The following NRBP1 variants were observed in gnomAD, a reference collection of about 807,000 sequenced individuals.
NRBP1 encodes the protein nuclear receptor-binding protein.
A neutral mutation model predicts 76.0 loss-of-function variants in NRBP1; 10 were observed. That is an observed-to-expected ratio of 0.13 (90% CI 0.08 to 0.22). The LOEUF (loss-of-function observed/expected upper bound fraction) is 0.22, where lower values mean the gene tolerates loss of function less well. Among genes scored for constraint, NRBP1 ranks in the 10% least tolerant of loss-of-function variants. The pLI, the probability that NRBP1 is intolerant of heterozygous loss-of-function variation, is 1.00. For synonymous variants in NRBP1, 235 were observed against 240.2 expected (o/e 0.98, Z 0.20); for missense variants, 344 against 646.0 (o/e 0.53, Z 5.07).
At chr2:27,430,529 C>A (rs1418028053) in intron 1 of NRBP1, among the ~76,000 whole-genome samples, 1 of 145,678 alleles carries the variant, frequency 6.9e-6, no homozygotes, top group African/African-American at 2.6e-5. Context: ...AGTGCAGTGG[C>A]GCCATCTGGG....
At position 27,441,445 on chromosome 2, in the gene NRBP1, C is replaced by CG; in HGVS notation, c.1447+115_1447+116insG. 3 of 1,422,594 alleles carry CG rather than the reference C, an allele frequency of 2.1e-6. No individual in the cohort carries two copies. The African/African-American group carries it at 4.2e-5, about 20-fold the overall frequency. 88.1% of individuals were successfully genotyped at this position (1,422,594 alleles called of 1,614,324 possible). The stretch of plus-strand genomic sequence containing the variant: ...TAACACATTGACTCACATAGAATGA[C>CG]TATCTTAGACCCTAAAGCAGTGGGT... On this transcript the variant is annotated intron_variant, in intron 16 of 17. Transcript: ENST00000379852.
Position 27,440,884 on chromosome 2 carries a change from G to A in NRBP1, c.1273G>A (p.Val425Met), listed in dbSNP as rs767995482. ...GCAGGAGGAGGTGACATCACCTGTC[G>A]TGCCCCCCTCTGTCAAGACTCCGAC... ...PQQEEVTSPV[V>M]PPSVKTPTPE... Residue 425 changes from valine (V) to methionine (M), a missense_variant, in exon 14 of 18, where the codon GTG becomes ATG. By Grantham distance (21) the Val-to-Met change is conservative (BLOSUM62 1). Transcript: ENST00000379852. 57 of 1,613,906 alleles carry A rather than the reference G, an allele frequency of 3.5e-5. No individual in the cohort carries two copies. The highest frequency in any genetic ancestry group is 4.5e-5 in the Non-Finnish European group (53 of 1,180,040).
intron 9 of NRBP1, 65 bp from the exon 10 acceptor site, chr2:27,437,197 G>C: frequency 1.9e-6 from 3 of 1,572,212 alleles, no homozygotes; most frequent in Non-Finnish European, 2.6e-6. Flanking sequence ...GGCTTGGAGG[G>C]AGTGATTGTG....
At chr2:27,439,995 CTTTT>C (rs70953859) in intron 11 of NRBP1, 97 bp downstream of exon 11, 69 of 459,720 alleles carry the variant, frequency 1.5e-4, no homozygotes, top group South Asian at 4.7e-4. Context: ...CAAAGGGATT[CTTTT>C]TTTTTTTTTT....
In NRBP1 at chr2:27,436,842, C is replaced by T. The variant is rs1315344384; in HGVS notation, c.745+6C>T. The stretch of plus-strand genomic sequence containing the variant: ...CTTTGCACCAGAGTATGGAGGTGAG[C>T]CTTCCTGCTTTCTCTGCCCTGTCCT... On this transcript the variant is annotated splice_donor_region_variant and intron_variant, in intron 8 of 17. Coordinates refer to ENST00000379852, the MANE Select transcript of NRBP1 (RefSeq NM_013392.4). 1 of 1,612,528 alleles carries T rather than the reference C, an allele frequency of 6.2e-7. No individual in the cohort carries two copies. The highest frequency in any genetic ancestry group is 8.5e-7 in the Non-Finnish European group (1 of 1,178,520).
In NRBP1 at chr2:27,439,811, A is replaced by G. The variant is rs1664455319; in HGVS notation, c.949A>G (p.Thr317Ala). Residue 317 changes from threonine (T) to alanine (A), a missense_variant, in exon 11 of 18, where the codon ACA (threonine) becomes GCA (alanine). Thr to Ala is a moderately conservative substitution (Grantham distance 58). Coordinates refer to ENST00000379852, the MANE Select transcript of NRBP1 (RefSeq NM_013392.4). ...CLQSEPARRPTARELLFHPAL... is the reference protein window; with the variant it reads ...CLQSEPARRPAARELLFHPAL... ...GCAGTCTGAGCCTGCTCGCAGACCA[A>G]CAGCCAGAGAACTTCTGTTCCACCC... 1.9e-6 allele frequency: 3 copies of G among 1,614,070 alleles called. No homozygotes were observed. Among genetic ancestry groups the G allele is most frequent in the Non-Finnish European group, 2.5e-6 (3 of 1,179,980 alleles).
chr2:27,433,513 G>C, intron 2 of NRBP1, 30 bp downstream of exon 2: 1 of 1,610,904 alleles, frequency 6.2e-7, no homozygotes, highest in Non-Finnish European at 8.5e-7. Flanking sequence ...ACTCTTGGGT[G>C]AGTGAATTCT....
chr2:27,428,740 C>T lies in NRBP1; in HGVS notation c.-21+9C>T. ...GGGCGCGGAGTCGGGAGGTGAGCGCCCAGGGAAAAGAGGGCCCGGGAGGGA... is the reference window on the plus strand; with the variant it reads ...GGGCGCGGAGTCGGGAGGTGAGCGCTCAGGGAAAAGAGGGCCCGGGAGGGA... On this transcript the variant is annotated intron_variant, in intron 1 of 17. Coordinates refer to ENST00000379852, the MANE Select transcript of NRBP1 (RefSeq NM_013392.4). 5.0e-6 allele frequency: 2 copies of T among 397,466 alleles called. No individual in the cohort carries two copies. Among genetic ancestry groups the T allele is most frequent in the Non-Finnish European group, 8.9e-6 (2 of 225,552 alleles). 24.6% of individuals were successfully genotyped at this position (397,466 alleles called of 1,614,324 possible).
At chr2:27,441,105 T>C (rs1409346688) in intron 14 of NRBP1, 22 bp from the exon 15 acceptor site, 3 of 1,612,348 alleles carry the variant, frequency 1.9e-6, no homozygotes, top group Non-Finnish European at 8.5e-7. Context: ...GTCTCTAGAG[T>C]GACCCTCTCT....
chr2:27,436,635 G>A, intron 7 of NRBP1, 118 bp from the exon 8 acceptor site: 3 of 789,468 alleles, frequency 3.8e-6, no homozygotes, highest in Non-Finnish European at 6.7e-6. Context: ...GTTTGTGCCT[G>A]TTGAGGGTCA....
chr2:27,428,459 G>A (rs561860892), upstream of NRBP1: 15 of 391,642 alleles, frequency 3.8e-5, no homozygotes, highest in African/African-American at 1.6e-4. Flanking sequence ...CGACCCCTCC[G>A]AGAGGTCTCG....
rs776158770 is a variant in NRBP1, at chr2:27,441,839, GC to G, written c.*28del. 4.1e-5 allele frequency: 59 copies of G among 1,434,846 alleles called. No homozygotes were observed. Among genetic ancestry groups the G allele is most frequent in the Non-Finnish European group, 5.3e-5 (54 of 1,024,276 alleles). 88.9% of individuals were successfully genotyped at this position (1,434,846 alleles called of 1,614,324 possible). A position where few individuals can be genotyped will look rare whatever the true frequency, so the allele number is the denominator to read the frequency against. On this transcript the variant is annotated 3_prime_UTR_variant, in exon 18 of 18. Coordinates refer to ENST00000379852, the MANE Select transcript of NRBP1 (RefSeq NM_013392.4). ...GCTCACTCGGGCCAGGCCCTGATCT[GC>G]GCTGTGGCTGTCCCTGGACGTGCTG...
intron 7 of NRBP1, chr2:27,435,675 TTC>T (rs757632013): frequency 2.2e-5 from 16 of 717,620 alleles, no homozygotes; most frequent in South Asian, 2.2e-4. Flanking sequence ...CTCACAACTT[TTC>T]TCTGTTTTCC....
intron 8 of NRBP1, 37 bp downstream of exon 8, chr2:27,436,873 C>T: frequency 6.3e-7 from 1 of 1,588,520 alleles, no homozygotes; most frequent in Non-Finnish European, 8.6e-7. Flanking sequence ...GTCCTCATCC[C>T]CCTGCTTTTG....
At chr2:27,439,992 A>G in intron 11 of NRBP1, 94 bp downstream of exon 11, 1 of 234,438 alleles carries the variant, frequency 4.3e-6, no homozygotes, top group East Asian at 2.6e-4. Flanking sequence ...TTCCAAAGGG[A>G]TTCTTTTTTT....
intron 8 of NRBP1, 91 bp downstream of exon 8, chr2:27,436,927 T>C: frequency 3.4e-6 from 5 of 1,456,536 alleles, no homozygotes; most frequent in Non-Finnish European, 4.8e-6. Flanking sequence ...CTGAAACTTC[T>C]AGGCCTTCTC....
At position 27,440,722 on chromosome 2, in the gene NRBP1, C is replaced by G. The variant is rs776967669; in HGVS notation, c.1193+20C>G. 1.9e-6 allele frequency: 3 copies of G among 1,614,090 alleles called. No individual in the cohort carries two copies. In the African/African-American group the frequency reaches 4.0e-5, roughly 22 times the overall value. On this transcript the variant is annotated intron_variant, in intron 13 of 17. Coordinates refer to ENST00000379852, the MANE Select transcript of NRBP1 (RefSeq NM_013392.4). ...TGTCAGGTGAGAGCAGAGTGAGAAG[C>G]AGGCTTTCTTGAGGAAGCAGGCGGG...
chr2:27,430,799 T>C (rs1664084167), intron 1 of NRBP1, among the ~76,000 whole-genome samples: 1 of 152,156 alleles, frequency 6.6e-6, no homozygotes, highest in Non-Finnish European at 1.5e-5. Flanking sequence ...TCTCTTGAGC[T>C]GAGCACACAC....
intron 14 of NRBP1, 61 bp from the exon 15 acceptor site, chr2:27,441,066 C>A: frequency 3.1e-6 from 5 of 1,609,288 alleles, no homozygotes; most frequent in Non-Finnish European, 4.2e-6. Context: ...GCTCGAAAGA[C>A]GTCTAGGTAT....
Sources: gnomAD v4.1 joint callset for allele counts (sites outside exome capture counted in the v4.1 genomes callset) on GRCh38, gnomAD v4.1.1 for gene constraint, MANE v1.5 for transcripts, NCBI Gene and HGNC (gene_info 2026-07-23, HGNC 2026-07-21) for gene names.